ARAP1: variants seen among roughly 807,000 people sequenced by gnomAD.
ARAP1 encodes arf-GAP with Rho-GAP domain, ANK repeat and PH domain-containing protein 1.
In ARAP1, 76 loss-of-function variants were observed where a neutral mutation model predicts 172.2. That is an observed-to-expected ratio of 0.44 (90% confidence interval 0.37 to 0.53). The LOEUF is 0.53. Among genes scored for constraint, ARAP1 ranks in the 20% least tolerant of loss-of-function variants. The pLI is 0.00. For missense variants in ARAP1, 1,686 were observed against 1,977.5 expected (o/e 0.85, Z 2.80); for synonymous variants, 804 against 803.3 (o/e 1.00, Z -0.01).
intron 30 of ARAP1, among the ~76,000 whole-genome samples, chr11:72,691,558 A>C (rs1855932401): frequency 6.6e-6 from 1 of 152,206 alleles, no homozygotes. Flanking sequence ...CAGGGTTAGC[A>C]GGAGCCCAGG....
intron 11 of ARAP1, among the ~76,000 whole-genome samples, chr11:72,708,847 A>T (rs1856883503): frequency 1.3e-5 from 2 of 152,126 alleles, no homozygotes; most frequent in South Asian, 4.1e-4. Flanking sequence ...GACCAGCCTG[A>T]CCAACACGGC....
intron 1 of ARAP1, among the ~76,000 whole-genome samples, chr11:72,739,603 A>C (rs1858141061): frequency 6.6e-6 from 1 of 152,110 alleles, no homozygotes; most frequent in Non-Finnish European, 1.5e-5. Context: ...TCACATTCTG[A>C]GCCTCAGTTT....
intron 18 of ARAP1, 80 bp from the exon 19 acceptor site, chr11:72,698,186 C>T (rs1267306657): frequency 2.8e-6 from 4 of 1,432,216 alleles, no homozygotes; most frequent in Non-Finnish European, 2.8e-6. Flanking sequence ...GGCTTACAGG[C>T]ACATGCCCTC....
Position 72,699,576 on chromosome 11 carries a change from G to T in ARAP1, c.2303-24C>A, listed in dbSNP as rs1401744746. ...CTCTGGGGAGAATTTGGGCAGGGGAGCCATCAGGGAGCCCCCCACCACCTG... is the reference window on the plus strand; with the variant it reads ...CTCTGGGGAGAATTTGGGCAGGGGATCCATCAGGGAGCCCCCCACCACCTG... On this transcript the variant is annotated intron_variant, in intron 16 of 34. Coordinates refer to ENST00000393609, the MANE Select transcript of ARAP1 (RefSeq NM_001040118.3). This position sits in a 1 kb window ranked among gnomAD's most constrained non-coding sequence, Gnocchi z 4.2. 6.2e-7 allele frequency: 1 copy of T among 1,603,954 alleles called. No individual in the cohort carries two copies. The highest frequency in any genetic ancestry group is 1.7e-5 in the Admixed American group (1 of 58,670).
At chr11:72,703,245 G>A (rs368230734) in intron 14 of ARAP1, 166 bp from the exon 15 acceptor site, 1 of 752,366 alleles carries the variant, frequency 1.3e-6, no homozygotes, top group Non-Finnish European at 2.0e-6. Context: ...GAAGGAGAGG[G>A]AAGAGAGAGG....
At chr11:72,714,685 A>G (rs923663631) in intron 3 of ARAP1, among the ~76,000 whole-genome samples, 2 of 152,146 alleles carry the variant, frequency 1.3e-5, no homozygotes, top group South Asian at 4.1e-4. Context: ...GCTTTTAAGG[A>G]TAAGAAGGCA....
chr11:72,739,302 C>T (rs2135587778), intron 1 of ARAP1, among the ~76,000 whole-genome samples: 1 of 152,308 alleles, frequency 6.6e-6, no homozygotes, highest in Non-Finnish European at 1.5e-5. Context: ...TATAACTCTC[C>T]CTGGCACCAG....
rs1856129709 is a variant in ARAP1 at position 72,695,220 on chromosome 11, AG to A, written c.3577-124del. ...GCCCTTCTGGAGTCCTGGGATAGAG[AG>A]GGGTATTTCTGAGTGGTCCTTAGGA... On this transcript the variant is annotated intron_variant, in intron 26 of 34. Coordinates refer to ENST00000393609, the MANE Select transcript of ARAP1 (RefSeq NM_001040118.3). This position sits in a 1 kb window ranked among gnomAD's most constrained non-coding sequence, Gnocchi z 4.4. The A allele has an allele frequency of 1.9e-5, 25 of 1,336,180 alleles. No homozygotes were observed. In the South Asian group the frequency reaches 2.9e-4, roughly 16 times the overall value. The allele number at this position is 1,336,180 out of a possible 1,614,324, so 82.8% of individuals were successfully genotyped here.
intron 16 of ARAP1, among the ~76,000 whole-genome samples, chr11:72,700,737 C>A (rs1856444545): frequency 6.6e-6 from 1 of 152,224 alleles, no homozygotes; most frequent in Non-Finnish European, 1.5e-5. Flanking sequence ...GGCGTGGTGA[C>A]TCACGCCTGT....
At chr11:72,738,740 C>G (rs1858111692) in intron 1 of ARAP1, among the ~76,000 whole-genome samples, 1 of 152,092 alleles carries the variant, frequency 6.6e-6, no homozygotes, top group Non-Finnish European at 1.5e-5. Context: ...CAAACCACAC[C>G]CCACTGGTAC....
chr11:72,735,153 C>T (rs1857982309), intron 1 of ARAP1, among the ~76,000 whole-genome samples: 1 of 151,898 alleles, frequency 6.6e-6, no homozygotes, highest in African/African-American at 2.4e-5. Flanking sequence ...GCTAATTTTT[C>T]CATTTTTTTG....
At position 72,726,976 on chromosome 11, in the gene ARAP1, C is replaced by T. The variant is rs1857712084; in HGVS notation, c.153G>A (p.Met51Ile). The T allele has an allele frequency of 1.2e-6, 2 of 1,603,960 alleles. No homozygotes were observed. Among genetic ancestry groups the T allele is most frequent in the Middle Eastern group, 1.7e-4 (1 of 6,054 alleles). The part of the protein sequence containing the change: ...LSDTRLMDMG[M>I]LLPGHRRRIL... ...TGCGGCGGCGGTGACCAGGGAGTAG[C>T]ATGCCCATGTCCATCAGGCGGGTGT... The change falls in exon 3 of 35, where the codon ATG becomes ATA. Residue 51 changes from methionine (M) to isoleucine (I), a missense_variant. Around this residue, in one of 5 missense-constraint regions of ARAP1, gnomAD observed 190 missense variants for 228.6 expected, o/e 0.83. Transcript: ENST00000393609. This position sits in a 1 kb window ranked among gnomAD's most constrained non-coding sequence, Gnocchi z 6.5.
In ARAP1 at chr11:72,711,466, C is replaced by T. The variant is rs777539952; in HGVS notation, c.1056G>A (p.Leu352=). 9 of 1,613,170 alleles carry T rather than the reference C, an allele frequency of 5.6e-6. No individual in the cohort carries two copies. Among genetic ancestry groups the T allele is most frequent in the Non-Finnish European group, 7.6e-6 (9 of 1,179,184 alleles). ...SYIYQKRWVR[L]DTDHLRYFDS... ...CAAAGTATCGCAGGTGATCAGTATCCAGTCTCACCCATCGTTTCTGATAGA... is the reference window on the plus strand; with the variant it reads ...CAAAGTATCGCAGGTGATCAGTATCTAGTCTCACCCATCGTTTCTGATAGA... The change falls in exon 8 of 35, where the codon CTG becomes CTA. Residue 352 remains leucine, a synonymous_variant. Coordinates refer to ENST00000393609, the MANE Select transcript of ARAP1 (RefSeq NM_001040118.3).
intron 2 of ARAP1, among the ~76,000 whole-genome samples, chr11:72,731,424 A>C (rs1371299516): frequency 1.3e-5 from 2 of 152,096 alleles, no homozygotes; most frequent in Non-Finnish European, 2.9e-5. Context: ...AGCTGGTTAA[A>C]AGAGCCCGGC....
At chr11:72,694,155 A>G (rs932132237) in intron 27 of ARAP1, among the ~76,000 whole-genome samples, 1 of 146,534 alleles carries the variant, frequency 6.8e-6, no homozygotes, top group Non-Finnish European at 1.5e-5. Flanking sequence ...CCCAATCCAC[A>G]CGTCGAATCT....
intron 23 of ARAP1, among the ~76,000 whole-genome samples, chr11:72,696,254 G>C (rs916325931): frequency 3.3e-5 from 5 of 152,204 alleles, no homozygotes; most frequent in African/African-American, 7.2e-5. Flanking sequence ...GATCCTTTGA[G>C]AATCTAATGC....
chr11:72,719,084 T>A (rs1857402861), intron 3 of ARAP1, among the ~76,000 whole-genome samples: 1 of 152,184 alleles, frequency 6.6e-6, no homozygotes, highest in Non-Finnish European at 1.5e-5. Context: ...GGATTATTTG[T>A]TCTTGATGCC....
rs758779549 is a variant in ARAP1, at chr11:72,712,336, G to C, written c.882C>G (p.Gly294=). Residue 294 remains glycine, a synonymous_variant, in exon 7 of 35, where the codon GGC becomes GGG. Coordinates refer to ENST00000393609, the MANE Select transcript of ARAP1 (RefSeq NM_001040118.3). Reference sequence around the variant, plus strand: ...AGCTCAGGCTGCTGGTATGCCATCCGCCACTAGCGAGAGATGAGGGGATGG... The same window carrying C: ...AGCTCAGGCTGCTGGTATGCCATCCCCCACTAGCGAGAGATGAGGGGATGG... ...DDHAYEGVPN[G]GWHTSSLSLS... 7.7e-6 allele frequency: 12 copies of C among 1,548,762 alleles called. No individual in the cohort carries two copies. Among genetic ancestry groups the C allele is most frequent in the Non-Finnish European group, 1.1e-5 (12 of 1,142,468 alleles).
intron 2 of ARAP1, among the ~76,000 whole-genome samples, chr11:72,731,973 T>A (rs1857879997): frequency 6.6e-6 from 1 of 151,900 alleles, no homozygotes; most frequent in African/African-American, 2.4e-5. Context: ...TATGTAAACA[T>A]CTCGGTTAAA....
Sources: gnomAD v4.1 joint callset for allele counts (sites outside exome capture counted in the v4.1 genomes callset) on GRCh38, gnomAD v4.1.1 for gene constraint, gnomAD v4.1.1 regional missense constraint, Gnocchi (gnomAD v3.1) non-coding constraint, MANE v1.5 for transcripts, NCBI Gene and HGNC (gene_info 2026-07-23, HGNC 2026-07-21) for gene names.